Variants in CAMK4 observed in about 807,000 individuals in gnomAD.
CAMK4 encodes calcium/calmodulin-dependent protein kinase type IV.
In CAMK4, 22 loss-of-function variants were observed where a neutral mutation model predicts 44.9. The ratio of observed to expected loss-of-function variants is 0.49; its 90% CI spans 0.35 to 0.70. The LOEUF is 0.70. Ranked by LOEUF, CAMK4 falls within the 30% of genes least tolerant of loss-of-function variation. The probability of loss-of-function intolerance (pLI) is 0.01; values close to 1 mark genes in which losing one functional copy is unlikely to be tolerated. For synonymous variants in CAMK4, 218 were observed against 215.4 expected (o/e 1.01, Z -0.11); for missense variants, 498 against 586.8 (o/e 0.85, Z 1.56).
intron 1 of CAMK4, among the ~76,000 whole-genome samples, chr5:111,242,765 G>T (rs1347305184): frequency 2.0e-5 from 3 of 152,302 alleles, no homozygotes; most frequent in African/African-American, 7.2e-5. Context: ...CACCCAGGAT[G>T]TGTCATGCTG....
At chr5:111,224,234 C>G, upstream of CAMK4, 1 of 372,270 alleles carries the variant, frequency 2.7e-6, no homozygotes. This position sits in a 1 kb window ranked among gnomAD's most constrained non-coding sequence, Gnocchi z 5.7. Flanking sequence ...AGCCTCTCTC[C>G]TCAGCGGTGC....
intron 4 of CAMK4, among the ~76,000 whole-genome samples, chr5:111,377,242 T>C (rs889422362): frequency 3.9e-5 from 6 of 152,018 alleles, no homozygotes; most frequent in South Asian, 4.1e-4. Context: ...AAATCTAAAC[T>C]AAATAGTAAG....
rs140926921 is a variant in CAMK4, at chr5:111,466,431, T to C, written c.626-6880T>C. Among the ~76,000 whole-genome samples the C allele has an allele frequency of 1.7e-3, 259 of 152,258 alleles. 1 individual carries two copies. Among genetic ancestry groups the C allele is most frequent in the African/African-American group, 5.8e-3 (242 of 41,556 alleles). The stretch of plus-strand genomic sequence containing the variant: ...AACTGTCAGTTTGCTGGTGATATCA[T>C]TGCATACCTACAAAACCCTAAAGAC... On this transcript the variant is annotated intron_variant, in intron 7 of 10. Coordinates refer to ENST00000282356, the MANE Select transcript of CAMK4 (RefSeq NM_001744.6).
intron 1 of CAMK4, among the ~76,000 whole-genome samples, chr5:111,238,973 G>A (rs956381868): frequency 4.6e-5 from 7 of 151,528 alleles, no homozygotes; most frequent in East Asian, 1.9e-4. Flanking sequence ...ATCCGTACCT[G>A]TTGGCTTTCC....
intron 2 of CAMK4, among the ~76,000 whole-genome samples, chr5:111,361,749 A>G (rs1026687661): frequency 6.6e-6 from 1 of 152,050 alleles, no homozygotes; most frequent in South Asian, 2.1e-4. Flanking sequence ...AAAAGGTGAG[A>G]GAAGGCATTT....
intron 2 of CAMK4, among the ~76,000 whole-genome samples, chr5:111,364,065 C>A (rs540152445): frequency 6.6e-6 from 1 of 152,074 alleles, no homozygotes; most frequent in Non-Finnish European, 1.5e-5. Flanking sequence ...CATTTTATTT[C>A]CTCTACTCCC....
chr5:111,452,939 T>C (rs1214436805), intron 7 of CAMK4, among the ~76,000 whole-genome samples: 1 of 152,142 alleles, frequency 6.6e-6, no homozygotes, highest in Non-Finnish European at 1.5e-5. Flanking sequence ...TGAACTATTT[T>C]GGGGATTGAG....
At chr5:111,262,069 G>GA (rs1750005557) in intron 1 of CAMK4, among the ~76,000 whole-genome samples, 1 of 151,538 alleles carries the variant, frequency 6.6e-6, no homozygotes, top group East Asian at 1.9e-4. Flanking sequence ...ATGGGTTTCT[G>GA]AGCCCCTCAC....
chr5:111,371,112 G>T (rs1218320414), intron 2 of CAMK4, among the ~76,000 whole-genome samples: 2 of 152,020 alleles, frequency 1.3e-5, no homozygotes, highest in Non-Finnish European at 2.9e-5. Context: ...CTAAACGAAA[G>T]AACTTTTAGA....
chr5:111,464,339 G>T (rs1478336244), intron 7 of CAMK4, among the ~76,000 whole-genome samples: 2 of 152,118 alleles, frequency 1.3e-5, no homozygotes, highest in African/African-American at 4.8e-5. Flanking sequence ...TTGGGGTTAT[G>T]TTAAATGAAC....
At chr5:111,414,498 C>A (rs1458150498) in intron 5 of CAMK4, among the ~76,000 whole-genome samples, 1 of 152,008 alleles carries the variant, frequency 6.6e-6, no homozygotes, top group African/African-American at 2.4e-5. Flanking sequence ...AAAGATACGG[C>A]AAAAATGACT....
At chr5:111,398,610 T>C (rs959585913) in intron 5 of CAMK4, among the ~76,000 whole-genome samples, 2 of 152,236 alleles carry the variant, frequency 1.3e-5, no homozygotes, top group African/African-American at 4.8e-5. Flanking sequence ...AAGCCCTACT[T>C]GTTTATCATG....
chr5:111,476,259 G>GTA (rs1446529563), intron 8 of CAMK4, among the ~76,000 whole-genome samples: 5 of 140,490 alleles, frequency 3.6e-5, no homozygotes, highest in African/African-American at 1.5e-4. Context: ...GTGTGTGTGT[G>GTA]TGTGTGTGTG....
chr5:111,379,561 T>C (rs1044958132), intron 4 of CAMK4, among the ~76,000 whole-genome samples: 1 of 152,148 alleles, frequency 6.6e-6, no homozygotes, highest in South Asian at 2.1e-4. Flanking sequence ...TCTGCAGTTA[T>C]CTTTAAATTT....
intron 5 of CAMK4, among the ~76,000 whole-genome samples, chr5:111,445,995 A>G (rs1345536847): frequency 1.3e-5 from 2 of 152,232 alleles, no homozygotes; most frequent in Non-Finnish European, 2.9e-5. Context: ...AGCATTTACA[A>G]TGAGAATATG....
intron 1 of CAMK4, among the ~76,000 whole-genome samples, chr5:111,299,223 AC>A (rs755768475): frequency 3.3e-5 from 5 of 152,246 alleles, no homozygotes; most frequent in Non-Finnish European, 5.9e-5. Flanking sequence ...TCACAACTCC[AC>A]ACATTATGTA....
intron 5 of CAMK4, among the ~76,000 whole-genome samples, chr5:111,419,285 G>C (rs1385348392): frequency 6.6e-6 from 1 of 152,050 alleles, no homozygotes. Flanking sequence ...CTTTTTGATG[G>C]GGTTGTTTGT....
chr5:111,443,277 TATACACACAC>T (rs1224904321), intron 5 of CAMK4, among the ~76,000 whole-genome samples: 1,644 of 40,698 alleles, frequency 0.04, 15 homozygotes, highest in African/African-American at 0.063. Context: ...TATATATATA[TATACACACAC>T]ACACACACAC....
intron 5 of CAMK4, among the ~76,000 whole-genome samples, chr5:111,407,689 G>A (rs769548810): frequency 6.6e-6 from 1 of 152,192 alleles, no homozygotes; most frequent in Non-Finnish European, 1.5e-5. Context: ...GATATTCAAT[G>A]CTCTGAAAAG....
Sources: allele counts gnomAD v4.1 joint callset (sites outside exome capture counted in the v4.1 genomes callset), GRCh38; gene constraint gnomAD v4.1.1; non-coding constraint Gnocchi (gnomAD v3.1); transcripts MANE v1.5; gene names NCBI Gene and HGNC (gene_info 2026-07-23, HGNC 2026-07-21).